Variants in MARCHF1 observed in about 807,000 individuals in gnomAD.
The protein encoded by MARCHF1 is membrane associated ring-CH-type finger 1.
MARCHF1 carries 40 observed loss-of-function variants against 54.2 expected under a neutral mutation model. The observed-to-expected ratio is 0.74, with a 90% CI of 0.57 to 0.96. The LOEUF (loss-of-function observed/expected upper bound fraction) is 0.96. MARCHF1 is among the 40% of genes least tolerant of loss of function. The pLI is 0.00. For missense variants in MARCHF1, 586 were observed against 656.5 expected, an observed-to-expected ratio of 0.89 and a Z score of 1.17; for synonymous variants, 236 against 236.3, an observed-to-expected ratio of 1.00 and a Z score of 0.01.
At chr4:163,788,718 T>A (rs956363536) in intron 4 of MARCHF1, among the ~76,000 whole-genome samples, 1 of 152,054 alleles carries the variant, frequency 6.6e-6, no homozygotes, top group East Asian at 1.9e-4. Flanking sequence ...TTACTGGTGC[T>A]GTTAACATTG....
intron 3 of MARCHF1, among the ~76,000 whole-genome samples, chr4:163,969,773 A>T (rs1752513305): frequency 6.6e-6 from 1 of 152,194 alleles, no homozygotes; most frequent in Non-Finnish European, 1.5e-5. Context: ...TGTACATTAC[A>T]GTAGAAATTT....
At chr4:164,100,252 C>T (rs1755511238) in intron 2 of MARCHF1, among the ~76,000 whole-genome samples, 1 of 152,132 alleles carries the variant, frequency 6.6e-6, no homozygotes. Context: ...TATTTAGAAA[C>T]CACATTCACC....
At chr4:164,058,109 C>G (rs1754534310) in intron 2 of MARCHF1, among the ~76,000 whole-genome samples, 1 of 151,930 alleles carries the variant, frequency 6.6e-6, no homozygotes, top group Admixed American at 6.6e-5. Flanking sequence ...ACATCACACA[C>G]TGGGGCCTGC....
At chr4:164,062,906 G>A (rs1234907626) in intron 2 of MARCHF1, among the ~76,000 whole-genome samples, 1 of 152,130 alleles carries the variant, frequency 6.6e-6, no homozygotes, top group Admixed American at 6.5e-5. Context: ...TATGTTAGCA[G>A]CCATAAAAAC....
At chr4:163,533,793 T>G (rs1237490681) in intron 9 of MARCHF1, among the ~76,000 whole-genome samples, 1 of 151,388 alleles carries the variant, frequency 6.6e-6, no homozygotes, top group Admixed American at 6.6e-5. Flanking sequence ...GAGATGGGTT[T>G]GTGAGCATTT....
At chr4:164,274,666 T>A (rs1364083375) in intron 1 of MARCHF1, among the ~76,000 whole-genome samples, 1 of 76,970 alleles carries the variant, frequency 1.3e-5, no homozygotes, top group Non-Finnish European at 2.3e-5. Context: ...ACACTTTTTT[T>A]TTTTTTTTTT....
At chr4:164,291,148 C>T (rs1363844217) in intron 1 of MARCHF1, among the ~76,000 whole-genome samples, 1 of 151,832 alleles carries the variant, frequency 6.6e-6, no homozygotes, top group Non-Finnish European at 1.5e-5. Context: ...ATTTAAAATA[C>T]TTGATAATTT....
intron 3 of MARCHF1, among the ~76,000 whole-genome samples, chr4:163,883,475 T>G (rs938645925): frequency 3.3e-5 from 5 of 152,054 alleles, no homozygotes; most frequent in African/African-American, 1.2e-4. Context: ...ACCCATCTCT[T>G]TATTAAGGAG....
chr4:163,702,147 G>A (rs1744829222), intron 4 of MARCHF1, among the ~76,000 whole-genome samples: 1 of 152,158 alleles, frequency 6.6e-6, no homozygotes, highest in South Asian at 2.1e-4. Flanking sequence ...AACCACTGAT[G>A]TCACTGTGGA....
chr4:163,789,980 G>A (rs1289232811), intron 4 of MARCHF1, among the ~76,000 whole-genome samples: 3 of 152,036 alleles, frequency 2.0e-5, no homozygotes, highest in Non-Finnish European at 4.4e-5. Context: ...TGTTCTCAGA[G>A]CACCAGTTCA....
intron 1 of MARCHF1, among the ~76,000 whole-genome samples, chr4:164,347,083 T>G (rs1730128347): frequency 6.6e-6 from 1 of 152,066 alleles, no homozygotes; most frequent in Non-Finnish European, 1.5e-5. Flanking sequence ...TATACTGATG[T>G]TTCCCAAACA....
intron 1 of MARCHF1, among the ~76,000 whole-genome samples, chr4:164,313,794 G>A (rs1229801716): frequency 6.6e-6 from 1 of 152,138 alleles, no homozygotes; most frequent in African/African-American, 2.4e-5. Context: ...AGCAACCTGA[G>A]GGTCAGTCTG....
intron 5 of MARCHF1, among the ~76,000 whole-genome samples, chr4:163,691,030 A>G (rs1424243169): frequency 6.6e-6 from 1 of 152,174 alleles, no homozygotes; most frequent in Admixed American, 6.5e-5. Context: ...GGGCCCAAGT[A>G]TTATAAGTAT....
chr4:163,557,190 G>A (rs1739321406), intron 8 of MARCHF1, among the ~76,000 whole-genome samples: 1 of 152,052 alleles, frequency 6.6e-6, no homozygotes, highest in African/African-American at 2.4e-5. Context: ...AACCACAACT[G>A]GCCAAATTTC....
chr4:163,572,632 C>T (rs1331699339), intron 8 of MARCHF1, among the ~76,000 whole-genome samples: 3 of 151,850 alleles, frequency 2.0e-5, no homozygotes, highest in Non-Finnish European at 4.4e-5. Context: ...CTTTGTGCCA[C>T]GGGAAGGGAG....
rs189546190 is a variant in MARCHF1 at position 163,914,162 on chromosome 4, A to G, written c.-38-59993T>C. ...AGGAGCATTCAGCTTTGTACCTTGT[A>G]CAAAGTACACTTCAAGCTCATGCCA... is the stretch of plus-strand genomic sequence containing the variant. On this transcript the variant is annotated intron_variant, in intron 3 of 9. Transcript: ENST00000514618. Among the ~76,000 whole-genome samples, 6 of 152,256 alleles carry G rather than the reference A, an allele frequency of 3.9e-5. No individual in the cohort carries two copies. In the East Asian group the frequency reaches 1.2e-3, roughly 29 times the overall value.
chr4:163,554,617 A>C (rs1397534981), intron 8 of MARCHF1, among the ~76,000 whole-genome samples: 1 of 152,128 alleles, frequency 6.6e-6, no homozygotes, highest in Non-Finnish European at 1.5e-5. Context: ...CTAACCTCCT[A>C]ATGCCTCAGT....
At chr4:164,243,669 G>C (rs1732847560) in intron 1 of MARCHF1, among the ~76,000 whole-genome samples, 1 of 141,924 alleles carries the variant, frequency 7.0e-6, no homozygotes, top group African/African-American at 2.5e-5. Context: ...TGGCAAATTG[G>C]ATAAAGAGTC....
rs574828555 is a variant in MARCHF1, at chr4:163,929,981, AAT to A, written c.-39+58518_-39+58519del. Among the ~76,000 whole-genome samples, 2,415 of 130,828 alleles carry A rather than the reference AAT, an allele frequency of 0.018. 133 individuals are homozygous for A. In the East Asian group the frequency reaches 0.19, roughly 10 times the overall value. 85.8% of individuals were successfully genotyped at this position (130,828 alleles called of 152,430 possible). A position where few individuals can be genotyped will look rare whatever the true frequency, so the allele number is the denominator to read the frequency against. On this transcript the variant is annotated intron_variant, in intron 3 of 9. Coordinates refer to ENST00000514618, the MANE Select transcript of MARCHF1 (RefSeq NM_001394959.1). ...TATATATAATATATATAATATATATAATATATATATAATATATTATATATAAA... is the reference window on the plus strand; with the variant it reads ...TATATATAATATATATAATATATATAATATATATAATATATTATATATAAA...
Sources: allele counts gnomAD v4.1 joint callset (sites outside exome capture counted in the v4.1 genomes callset), GRCh38; gene constraint gnomAD v4.1.1; transcripts MANE v1.5; gene names NCBI Gene and HGNC (gene_info 2026-07-23, HGNC 2026-07-21).